GRIP1: variants seen among roughly 807,000 people sequenced by gnomAD.
The protein encoded by GRIP1 is glutamate receptor interacting protein 1, also known as glutamate receptor-interacting protein 1.
A neutral mutation model predicts 129.9 loss-of-function variants in GRIP1; 45 were observed. The observed-to-expected ratio is 0.35, with a 90% CI of 0.27 to 0.44. GRIP1 has a LOEUF of 0.44. GRIP1 is among the 20% of genes least tolerant of loss of function. The probability of loss-of-function intolerance (pLI) is 1.00; values close to 1 mark genes in which losing one functional copy is unlikely to be tolerated. For missense variants in GRIP1, 1,196 were observed against 1,396.8 expected, an observed-to-expected ratio of 0.86 and a Z score of 2.29; for synonymous variants, 530 against 520.8, an observed-to-expected ratio of 1.02 and a Z score of -0.24.
At chr12:66,649,336 GTATTTGTTAT>G (rs2032615974) in intron 1 of GRIP1, among the ~76,000 whole-genome samples, 1 of 152,178 alleles carries the variant, frequency 6.6e-6, no homozygotes, top group Non-Finnish European at 1.5e-5. Flanking sequence ...CATCAGCTCT[GTATTTGTTAT>G]CACCTTAGGC....
intron 5 of GRIP1, among the ~76,000 whole-genome samples, chr12:66,528,145 T>TTTTTTTTTG (rs1565830039): frequency 1.4e-5 from 2 of 142,672 alleles, no homozygotes; most frequent in Non-Finnish European, 1.5e-5. Flanking sequence ...TTTTTTTTTT[T>TTTTTTTTTG]TTTTTTTGAG....
At chr12:67,030,404 G>T (rs1262042558) in intron 1 of GRIP1, among the ~76,000 whole-genome samples, 1 of 152,048 alleles carries the variant, frequency 6.6e-6, no homozygotes, top group Admixed American at 6.6e-5. Flanking sequence ...AGATTGAGAA[G>T]CACCCATCTC....
At chr12:66,709,541 G>A (rs1205101376) in intron 1 of GRIP1, among the ~76,000 whole-genome samples, 4 of 151,850 alleles carry the variant, frequency 2.6e-5, no homozygotes, top group Non-Finnish European at 5.9e-5. Flanking sequence ...CTGCATTCAT[G>A]TTAACAGTTT....
chr12:66,517,590 G>A (rs1265878422), intron 6 of GRIP1, among the ~76,000 whole-genome samples: 3 of 152,128 alleles, frequency 2.0e-5, no homozygotes, highest in Admixed American at 6.6e-5. Context: ...CCCCCTGCAA[G>A]GCATTATATA....
chr12:66,381,825 C>T (rs2056123506), intron 19 of GRIP1, among the ~76,000 whole-genome samples: 1 of 152,156 alleles, frequency 6.6e-6, no homozygotes, highest in Non-Finnish European at 1.5e-5. Context: ...TATTGCATTA[C>T]AACAAAGCAG....
chr12:67,054,152 T>C (rs149422246), intron 1 of GRIP1, among the ~76,000 whole-genome samples: 37 of 152,368 alleles, frequency 2.4e-4, no homozygotes, highest in Admixed American at 2.0e-4. Flanking sequence ...GAAATCAAGA[T>C]GCTTAAAGCT....
chr12:66,851,757 T>G (rs2039916052), intron 1 of GRIP1, among the ~76,000 whole-genome samples: 1 of 152,128 alleles, frequency 6.6e-6, no homozygotes, highest in Non-Finnish European at 1.5e-5. Flanking sequence ...AGTGTATGGC[T>G]AAGCAGGATC....
At chr12:66,622,351 C>A (rs61926094) in intron 1 of GRIP1, among the ~76,000 whole-genome samples, 30,085 of 151,684 alleles carry the variant, frequency 0.2, 3,098 homozygotes, top group Non-Finnish European at 0.23. Context: ...CTAATAAGAT[C>A]TAGTATTTGA....
chr12:66,880,105 C>A (rs1468303431), intron 1 of GRIP1, among the ~76,000 whole-genome samples: 1 of 151,922 alleles, frequency 6.6e-6, no homozygotes, highest in African/African-American at 2.4e-5. Flanking sequence ...TTGTACAAGA[C>A]CAGATAGCTT....
At chr12:66,859,680 A>G (rs2040078096) in intron 1 of GRIP1, among the ~76,000 whole-genome samples, 1 of 152,014 alleles carries the variant, frequency 6.6e-6, no homozygotes, top group Admixed American at 6.6e-5. Context: ...AGTGTAGGTA[A>G]TTACAACTAT....
At chr12:66,416,758 C>T (rs1437349731) in intron 15 of GRIP1, among the ~76,000 whole-genome samples, 1 of 151,952 alleles carries the variant, frequency 6.6e-6, no homozygotes, top group Non-Finnish European at 1.5e-5. Context: ...TGATTGAAGT[C>T]ATAATAAAAA....
intron 1 of GRIP1, among the ~76,000 whole-genome samples, chr12:66,961,516 A>T (rs1265170898): frequency 6.6e-6 from 1 of 152,206 alleles, no homozygotes; most frequent in East Asian, 1.9e-4. Context: ...GTTAAGTTTA[A>T]GGAAAAACTA....
chr12:66,681,926 T>C (rs1236646730), upstream of GRIP1, among the ~76,000 whole-genome samples: 2 of 152,158 alleles, frequency 1.3e-5, no homozygotes, highest in Non-Finnish European at 2.9e-5. Context: ...ATTTAATGAA[T>C]TAGAAGGCAC....
At chr12:66,615,891 C>T (rs1271543591) in intron 1 of GRIP1, among the ~76,000 whole-genome samples, 3 of 152,076 alleles carry the variant, frequency 2.0e-5, no homozygotes, top group Non-Finnish European at 4.4e-5. Context: ...GTGATCCACC[C>T]GCCTCAGCCT....
At chr12:66,419,774 C>T (rs2057739285) in intron 15 of GRIP1, among the ~76,000 whole-genome samples, 4 of 152,174 alleles carry the variant, frequency 2.6e-5, no homozygotes, top group Admixed American at 1.3e-4. Flanking sequence ...TAAACTCACA[C>T]AATGTCCTTC....
At chr12:66,468,340 C>T (rs1372891176) in intron 7 of GRIP1, among the ~76,000 whole-genome samples, 1 of 152,206 alleles carries the variant, frequency 6.6e-6, no homozygotes, top group Non-Finnish European at 1.5e-5. Context: ...CTAAAATCTT[C>T]AGGGATTTCT....
At chr12:66,599,984 G>C (rs1034313855) in intron 1 of GRIP1, among the ~76,000 whole-genome samples, 1 of 152,158 alleles carries the variant, frequency 6.6e-6, no homozygotes, top group African/African-American at 2.4e-5. Context: ...TGTCACAGGA[G>C]TGAGTGAGTG....
chr12:66,762,660 C>G (rs955782094), intron 1 of GRIP1, among the ~76,000 whole-genome samples: 1 of 152,148 alleles, frequency 6.6e-6, no homozygotes, highest in South Asian at 2.1e-4. Context: ...CCATTCTGTA[C>G]AAGCCACTGT....
intron 17 of GRIP1, among the ~76,000 whole-genome samples, chr12:66,393,280 G>C (rs2056665002): frequency 7.3e-6 from 1 of 137,888 alleles, no homozygotes; most frequent in Non-Finnish European, 1.5e-5. Flanking sequence ...CCGGGTTCAA[G>C]CAATTCTCCA....
Sources: allele counts gnomAD v4.1 joint callset (sites outside exome capture counted in the v4.1 genomes callset), GRCh38; gene constraint gnomAD v4.1.1; transcripts MANE v1.5; gene names NCBI Gene and HGNC (gene_info 2026-07-23, HGNC 2026-07-21).